The following DHRS7B variants were observed in gnomAD, a reference collection of about 807,000 sequenced individuals.
DHRS7B encodes the protein peroxisomal reductase activating PPAR-gamma.
A neutral mutation model predicts 26.4 loss-of-function variants in DHRS7B; 24 were observed. The observed-to-expected ratio is 0.91, with a 90% CI of 0.66 to 1.28. DHRS7B has a LOEUF of 1.28. Among genes scored for constraint, DHRS7B ranks in the 50% most tolerant of loss-of-function variants. The probability of loss-of-function intolerance (pLI) is 0.00; values close to 1 mark genes in which losing one functional copy is unlikely to be tolerated. For missense variants in DHRS7B, 368 were observed against 419.4 expected, an observed-to-expected ratio of 0.88 and a Z score of 1.07; for synonymous variants, 142 against 166.4, an observed-to-expected ratio of 0.85 and a Z score of 1.13.
At chr17:21,150,105 T>TAAAAAAAAAAAAAAAA (rs61516968) in intron 1 of DHRS7B, among the ~76,000 whole-genome samples, 2 of 50,072 alleles carry the variant, frequency 4.0e-5, no homozygotes, top group African/African-American at 1.5e-4. Flanking sequence ...CATCTCTATT[T>TAAAAAAAAAAAAAAAA]AAAAAAAAAA....
At chr17:21,167,667 A>G (rs1192324411) in intron 1 of DHRS7B, among the ~76,000 whole-genome samples, 1 of 152,092 alleles carries the variant, frequency 6.6e-6, no homozygotes. Flanking sequence ...CATGGCTCAC[A>G]GTGGTGCTAG....
chr17:21,172,272 G>T, intron 2 of DHRS7B, 76 bp downstream of exon 2: 2 of 1,520,632 alleles, frequency 1.3e-6, no homozygotes. Context: ...GCTGCACAGG[G>T]ACCACCAGCG....
At chr17:21,147,154 G>A (rs1399176127) in intron 1 of DHRS7B, among the ~76,000 whole-genome samples, 1 of 152,182 alleles carries the variant, frequency 6.6e-6, no homozygotes, top group Non-Finnish European at 1.5e-5. Flanking sequence ...GGCGCTTAGA[G>A]TCTGTTGAGG....
intron 1 of DHRS7B, among the ~76,000 whole-genome samples, chr17:21,165,948 C>T (rs1285774222): frequency 6.7e-6 from 1 of 149,426 alleles, no homozygotes; most frequent in African/African-American, 2.5e-5. Flanking sequence ...CATTAAAAAC[C>T]AAAATTGTGT....
At chr17:21,188,998 G>A in intron 6 of DHRS7B, 135 bp downstream of exon 6, 1 of 1,210,972 alleles carries the variant, frequency 8.3e-7, no homozygotes, top group Non-Finnish European at 1.2e-6. Context: ...ACTTGACAGA[G>A]GTGTTGGTTC....
intron 1 of DHRS7B, among the ~76,000 whole-genome samples, chr17:21,153,884 T>C (rs923661434): frequency 6.6e-6 from 1 of 151,628 alleles, no homozygotes; most frequent in African/African-American, 2.4e-5. Context: ...ATTCAAACCA[T>C]AGCACAGGAT....
At chr17:21,134,525 T>C (rs12453254) in intron 1 of DHRS7B, among the ~76,000 whole-genome samples, 54,735 of 152,032 alleles carry the variant, frequency 0.36, 10,881 homozygotes, top group Non-Finnish European at 0.44. Context: ...ACACAAAATA[T>C]GAGGCCAGAT....
chr17:21,191,224 G>T lies in DHRS7B; in HGVS notation c.*71G>T. ...CTTGCTTACTCTACAAGGGACAGTT[G>T]CATTTGTTGAGACTTTAATGGAGAT... On this transcript the variant is annotated 3_prime_UTR_variant, in exon 7 of 7. Transcript: ENST00000395511. The T allele has an allele frequency of 6.7e-7, 1 of 1,482,620 alleles. No homozygotes were observed. The highest frequency in any genetic ancestry group is 2.3e-5 in the East Asian group (1 of 44,024). The allele number at this position is 1,482,620 out of a possible 1,614,324, so 91.8% of individuals were successfully genotyped here.
At chr17:21,131,139 A>C (rs1973221635) in intron 1 of DHRS7B, among the ~76,000 whole-genome samples, 3 of 152,232 alleles carry the variant, frequency 2.0e-5, no homozygotes, top group Non-Finnish European at 4.4e-5. Flanking sequence ...TTGTGTAAGA[A>C]ATAATTTGAG....
intron 1 of DHRS7B, among the ~76,000 whole-genome samples, chr17:21,151,296 G>T (rs1035180240): frequency 6.6e-5 from 10 of 151,990 alleles, no homozygotes; most frequent in Non-Finnish European, 1.0e-4. Flanking sequence ...CATGAGGTTG[G>T]AGTTCAAGAC....
chr17:21,166,133 CT>C, intron 1 of DHRS7B: 1 of 985,390 alleles, frequency 1.0e-6, no homozygotes, highest in Non-Finnish European at 1.2e-6. Flanking sequence ...TCCGCCCCCC[CT>C]CACAGGATTG....
At chr17:21,162,481 C>G (rs1457038572) in intron 1 of DHRS7B, among the ~76,000 whole-genome samples, 5 of 152,170 alleles carry the variant, frequency 3.3e-5, no homozygotes, top group African/African-American at 1.2e-4. Flanking sequence ...ATGATACAAT[C>G]TTATTCAACA....
chr17:21,180,493 C>T (rs1974493524), intron 3 of DHRS7B, among the ~76,000 whole-genome samples: 1 of 152,206 alleles, frequency 6.6e-6, no homozygotes, highest in African/African-American at 2.4e-5. Context: ...CTTTTCCCAG[C>T]ACCATTTGTT....
chr17:21,178,447 A>G lies in DHRS7B; in HGVS notation c.309+105A>G, dbSNP rs868088742. ...TGGACTGCTGAGCTGTAGGACATCC[A>G]TGCGTCACACTGTCCCAGGGAAGGC... On this transcript the variant is annotated intron_variant, in intron 3 of 6. Coordinates refer to ENST00000395511, the MANE Select transcript of DHRS7B (RefSeq NM_015510.5). 52 of 903,984 alleles carry G rather than the reference A, an allele frequency of 5.8e-5. No homozygotes were observed. In the South Asian group the frequency reaches 5.9e-4, roughly 10 times the overall value. The allele number at this position is 903,984 out of a possible 1,614,324, so 56.0% of individuals were successfully genotyped here.
chr17:21,154,259 G>A (rs886224558), intron 1 of DHRS7B, among the ~76,000 whole-genome samples: 12 of 151,866 alleles, frequency 7.9e-5, no homozygotes, highest in Non-Finnish European at 1.3e-4. Flanking sequence ...GCAGTGAGCC[G>A]AGATCGTGAC....
chr17:21,167,588 A>G (rs8070360), intron 1 of DHRS7B, among the ~76,000 whole-genome samples: 5,985 of 151,966 alleles, frequency 0.039, 140 homozygotes, highest in Middle Eastern at 0.071. Context: ...TATGGTTTCT[A>G]TTTGAGGGGC....
At position 21,171,332 on chromosome 17, in the gene DHRS7B, G is replaced by A. The variant is rs150350087; in HGVS notation, c.21-686G>A. Among the ~76,000 whole-genome samples, 22 of 152,374 alleles carry A rather than the reference G, an allele frequency of 1.4e-4. No individual in the cohort carries two copies. The East Asian group carries it at 2.5e-3, about 17-fold the overall frequency. ...TGCACAGACACTCATACAGCCTCCA[G>A]ATTTCATGGCTCACTGGGGAATGCT... On this transcript the variant is annotated intron_variant, in intron 1 of 6. Transcript: ENST00000395511.
chr17:21,183,020 CTT>C (rs1974547603), intron 3 of DHRS7B, among the ~76,000 whole-genome samples: 1 of 152,174 alleles, frequency 6.6e-6, no homozygotes, highest in Non-Finnish European at 1.5e-5. Context: ...CGGTCCAGGA[CTT>C]TTCTTTGTTG....
chr17:21,144,580 G>T (rs1051434133), intron 1 of DHRS7B, among the ~76,000 whole-genome samples: 2 of 152,168 alleles, frequency 1.3e-5, no homozygotes, highest in Admixed American at 1.3e-4. Flanking sequence ...CACTCTGAGA[G>T]GCCAAGGTGG....
Sources: allele counts gnomAD v4.1 joint callset (sites outside exome capture counted in the v4.1 genomes callset), GRCh38; gene constraint gnomAD v4.1.1; transcripts MANE v1.5; gene names NCBI Gene and HGNC (gene_info 2026-07-23, HGNC 2026-07-21).